The following PKD1L1 variants were observed in gnomAD, a reference collection of about 807,000 sequenced individuals.
PKD1L1 encodes polycystin-1-like protein 1.
In PKD1L1, 236 loss-of-function variants were observed where a neutral mutation model predicts 323.4. That is an observed-to-expected ratio of 0.73 (90% CI 0.66 to 0.81). PKD1L1 has a LOEUF of 0.81. PKD1L1 is among the 40% of genes least tolerant of loss of function. The pLI is 0.00. For missense variants in PKD1L1, 3,320 were observed against 3,508.0 expected, an observed-to-expected ratio of 0.95 and a Z score of 1.35; for synonymous variants, 1,344 against 1,335.0, an observed-to-expected ratio of 1.01 and a Z score of -0.15.
At chr7:47,917,062 A>G (rs1465276163) in intron 7 of PKD1L1, among the ~76,000 whole-genome samples, 1 of 152,204 alleles carries the variant, frequency 6.6e-6, no homozygotes, top group Non-Finnish European at 1.5e-5. Context: ...GCCCAGTGTA[A>G]GGAAATCCAA....
chr7:47,894,066 G>A lies in PKD1L1; in HGVS notation c.2272-7C>T. 23 of 1,541,290 alleles carry A rather than the reference G, an allele frequency of 1.5e-5. No individual in the cohort carries two copies. The highest frequency in any genetic ancestry group is 1.9e-5 in the Non-Finnish European group (22 of 1,142,800). On this transcript the variant is annotated splice_polypyrimidine_tract_variant and splice_region_variant and intron_variant, in intron 14 of 56. Transcript: ENST00000289672. The stretch of plus-strand genomic sequence containing the variant: ...CACTGCCTTCAATCTGAACCTGCAG[G>A]GGCAAGGAAGGACAGGGGATGTCAT...
chr7:47,943,507 G>A lies in PKD1L1; in HGVS notation c.49C>T (p.Leu17Phe), dbSNP rs771870333. 2.5e-6 allele frequency: 4 copies of A among 1,611,920 alleles called. No individual in the cohort carries two copies. The highest frequency in any genetic ancestry group is 3.4e-6 in the Non-Finnish European group (4 of 1,178,480). The stretch of plus-strand genomic sequence containing the variant: ...AAGGAAAGGCAGCAGGCAGCCTGGA[G>A]ACACCTAAGGGAAAGAAAATAACCA... The part of the protein sequence containing the change: ...QNISDDQERC[L>F]QAACCLSFGG... The change falls in exon 2 of 57, where the codon CTC becomes TTC. Residue 17 changes from leucine to phenylalanine, a missense_variant. Leu to Phe is a conservative substitution (Grantham distance 22). Coordinates refer to ENST00000289672, the MANE Select transcript of PKD1L1 (RefSeq NM_138295.5).
At chr7:47,956,251 G>C in the PKD1L1 span, among the ~76,000 whole-genome samples, 1 of 152,314 alleles carries the variant, frequency 6.6e-6, no homozygotes, top group Non-Finnish European at 1.5e-5. Context: ...AATTTCTCTG[G>C]AATCAGTTTC....
At chr7:47,864,177 G>A (rs530626961) in intron 26 of PKD1L1, among the ~76,000 whole-genome samples, 8 of 152,284 alleles carry the variant, frequency 5.3e-5, no homozygotes, top group African/African-American at 1.9e-4. Flanking sequence ...TGGGGCACCC[G>A]TCACTCAGAT....
chr7:47,947,535 C>T (rs575064359), intron 1 of PKD1L1, among the ~76,000 whole-genome samples: 176 of 152,340 alleles, frequency 1.2e-3, no homozygotes, highest in Middle Eastern at 3.4e-3. Context: ...GCTGGCCTCA[C>T]GCCCAGGAAA....
intron 15 of PKD1L1, 29 bp from the exon 16 acceptor site, chr7:47,890,792 G>A: frequency 1.3e-6 from 2 of 1,599,890 alleles, no homozygotes; most frequent in African/African-American, 1.3e-5. Context: ...GAGTGGCTGA[G>A]GGGAGCATCA....
intron 21 of PKD1L1, among the ~76,000 whole-genome samples, chr7:47,879,375 C>A (rs1389876372): frequency 2.0e-5 from 3 of 152,148 alleles, no homozygotes; most frequent in Admixed American, 2.0e-4. Flanking sequence ...TGACTGCAAT[C>A]TCAGCACTTG....
rs35081823 is a variant in PKD1L1 at position 47,790,987 on chromosome 7, T to G, written c.8526+1640A>C. ...CTGGGCTCAAGTGATCCTCCTGCCT[T>G]GGCCTCCCAGATGCTGGGATTATAG... On this transcript the variant is annotated intron_variant, in intron 56 of 56. Coordinates refer to ENST00000289672, the MANE Select transcript of PKD1L1 (RefSeq NM_138295.5). Among the ~76,000 whole-genome samples the G allele has an allele frequency of 5.2e-3, 786 of 152,246 alleles. 5 individuals are homozygous for G. Among genetic ancestry groups the G allele is most frequent in the Non-Finnish European group, 7.7e-3 (523 of 68,018 alleles).
intron 7 of PKD1L1, among the ~76,000 whole-genome samples, chr7:47,923,391 G>T (rs1787596137): frequency 6.6e-6 from 1 of 151,646 alleles, no homozygotes. Flanking sequence ...GGGGGAAAGG[G>T]TGGGAAGTGG....
At chr7:47,832,473 A>G (rs570915289) in intron 41 of PKD1L1, among the ~76,000 whole-genome samples, 2 of 152,176 alleles carry the variant, frequency 1.3e-5, no homozygotes, top group Non-Finnish European at 2.9e-5. Flanking sequence ...CCAACCAAAC[A>G]TAGCTGCACG....
chr7:47,865,133 G>C, intron 26 of PKD1L1, 83 bp downstream of exon 26: 1 of 958,138 alleles, frequency 1.0e-6, no homozygotes, highest in South Asian at 1.5e-5. Flanking sequence ...TATGATTCTG[G>C]ACAGTGTATT....
intron 56 of PKD1L1, among the ~76,000 whole-genome samples, chr7:47,776,897 A>T (rs903604871): frequency 3.3e-5 from 5 of 151,852 alleles, no homozygotes; most frequent in African/African-American, 1.2e-4. Flanking sequence ...TTATTTATTT[A>T]TTTATTTTTT....
intron 54 of PKD1L1, 49 bp from the exon 55 acceptor site, chr7:47,796,199 TAAAG>T (rs1562933516): frequency 6.9e-7 from 1 of 1,449,374 alleles, no homozygotes; most frequent in South Asian, 1.3e-5. Flanking sequence ...GCAGCCTAAA[TAAAG>T]AGCTTTGTTA....
intron 26 of PKD1L1, 32 bp from the exon 27 acceptor site, chr7:47,858,917 C>G (rs373251656): frequency 6.3e-7 from 1 of 1,599,086 alleles, no homozygotes; most frequent in African/African-American, 1.3e-5. Context: ...AAATAAAATG[C>G]CTGGCCTTGA....
chr7:47,841,891 A>C (rs1468432265), intron 34 of PKD1L1, among the ~76,000 whole-genome samples: 1 of 152,204 alleles, frequency 6.6e-6, no homozygotes, highest in Non-Finnish European at 1.5e-5. Context: ...AAATTCAGCA[A>C]GTTTCTTTAA....
intron 21 of PKD1L1, among the ~76,000 whole-genome samples, chr7:47,879,685 G>A (rs1292277635): frequency 1.4e-5 from 2 of 142,276 alleles, no homozygotes; most frequent in African/African-American, 5.4e-5. Context: ...TGTAATCCCA[G>A]CACTTTGGGA....
Position 47,809,551 on chromosome 7 carries a change from G to C in PKD1L1, c.7608C>G (p.Ile2536Met). The C allele has an allele frequency of 1.2e-6, 2 of 1,605,476 alleles. No individual in the cohort carries two copies. ...TACGGTAGAGTTGAACACAGAGGTGGATCAGGCTGAGTGCCAGGAAGACCA... is the reference window on the plus strand; with the variant it reads ...TACGGTAGAGTTGAACACAGAGGTGCATCAGGCTGAGTGCCAGGAAGACCA... Reference protein sequence around the residue: ...PQLVFLALSLIHLCVQLYRMM... With the variant: ...PQLVFLALSLMHLCVQLYRMM... Residue 2536 changes from isoleucine (I) to methionine (M), a missense_variant, in exon 51 of 57, where the codon ATC (isoleucine) becomes ATG (methionine). Coordinates refer to ENST00000289672, the MANE Select transcript of PKD1L1 (RefSeq NM_138295.5).
At chr7:47,833,683 C>T (rs1008583347) in intron 40 of PKD1L1, among the ~76,000 whole-genome samples, 18 of 152,158 alleles carry the variant, frequency 1.2e-4, no homozygotes, top group African/African-American at 4.3e-4. Context: ...CCCTCAGGAA[C>T]AGGAGTGGTG....
intron 56 of PKD1L1, among the ~76,000 whole-genome samples, chr7:47,787,973 A>C (rs1396773237): frequency 6.6e-6 from 1 of 152,086 alleles, no homozygotes; most frequent in Non-Finnish European, 1.5e-5. Flanking sequence ...GGACTCCTAA[A>C]GTGCTTGTAT....
Sources: allele counts gnomAD v4.1 joint callset (sites outside exome capture counted in the v4.1 genomes callset), GRCh38; gene constraint gnomAD v4.1.1; transcripts MANE v1.5; gene names NCBI Gene and HGNC (gene_info 2026-07-23, HGNC 2026-07-21).